Variants in KCTD16 observed in about 807,000 individuals in gnomAD.
The protein encoded by KCTD16 is BTB/POZ domain-containing protein KCTD16.
A neutral mutation model predicts 33.2 loss-of-function variants in KCTD16; 13 were observed. The ratio of observed to expected loss-of-function variants is 0.39; its 90% CI spans 0.25 to 0.62. The LOEUF (loss-of-function observed/expected upper bound fraction) is 0.62. Ranked by LOEUF, KCTD16 falls within the 20% of genes least tolerant of loss-of-function variation. The pLI, the probability that KCTD16 is intolerant of heterozygous loss-of-function variation, is 0.50. For synonymous variants in KCTD16, 197 were observed against 195.3 expected (o/e 1.01, Z -0.07); for missense variants, 441 against 525.1 (o/e 0.84, Z 1.57).
At position 144,485,600 on chromosome 5, in the gene KCTD16, G is replaced by C. The variant is rs1375013571; in HGVS notation, c.*11486G>C. ...CTTGTGTGAATATAATTACAGAATAGGTAACTATTTTTATGTGTTTCCATA... is the reference window on the plus strand; with the variant it reads ...CTTGTGTGAATATAATTACAGAATACGTAACTATTTTTATGTGTTTCCATA... On this transcript the variant is annotated 3_prime_UTR_variant, in exon 4 of 4. Coordinates refer to ENST00000512467, the MANE Select transcript of KCTD16 (RefSeq NM_020768.4). The C allele has an allele frequency of 6.6e-6, 1 of 151,828 alleles. No individual in the cohort carries two copies. Among genetic ancestry groups the C allele is most frequent in the Non-Finnish European group, 1.5e-5 (1 of 67,882 alleles). The allele number at this position is 151,828 out of a possible 1,614,324, so 9.4% of individuals were successfully genotyped here.
rs189124902 is a variant in KCTD16 at position 144,437,697 on chromosome 5, A to G, written c.833-35963A>G. Among the ~76,000 whole-genome samples the G allele has an allele frequency of 3.8e-3, 571 of 152,208 alleles. 4 individuals carry two copies. The highest frequency in any genetic ancestry group is 0.014 in the Middle Eastern group (4 of 294). ...TCAATATCCAGCCGTTGTTTTTCCT[A>G]TTTTTTTATGAATTCCAGCTCTGAA... is the stretch of plus-strand genomic sequence containing the variant. On this transcript the variant is annotated intron_variant, in intron 3 of 3. Transcript: ENST00000512467.
chr5:144,470,205 A>T (rs1003247469), intron 3 of KCTD16, among the ~76,000 whole-genome samples: 1 of 152,186 alleles, frequency 6.6e-6, no homozygotes, highest in African/African-American at 2.4e-5. Flanking sequence ...GACCTTTCAT[A>T]GATCTTTCCA....
At chr5:144,329,908 A>G (rs1752308799) in intron 3 of KCTD16, among the ~76,000 whole-genome samples, 1 of 152,176 alleles carries the variant, frequency 6.6e-6, no homozygotes, top group Non-Finnish European at 1.5e-5. Context: ...TGAGAGGTTG[A>G]AATTCTCATA....
chr5:144,180,359 T>A (rs948097707), intron 2 of KCTD16, among the ~76,000 whole-genome samples: 4 of 152,128 alleles, frequency 2.6e-5, no homozygotes, highest in Admixed American at 6.5e-5. Context: ...ACTCATTTAA[T>A]CCCCTGGTAG....
intron 2 of KCTD16, chr5:144,205,495 C>T: frequency 7.5e-6 from 3 of 398,644 alleles, no homozygotes; most frequent in Non-Finnish European, 1.3e-5. Context: ...GCCTCTGGCT[C>T]GCACCGGCTC....
In KCTD16 at chr5:144,420,583, C is replaced by T. The variant is rs1172976096; in HGVS notation, c.833-53077C>T. 2.0e-5 allele frequency among the ~76,000 whole-genome samples: 3 copies of T among 151,942 alleles called. 1 individual carries two copies. The highest frequency in any genetic ancestry group is 2.0e-4 in the Admixed American group (3 of 15,234). On this transcript the variant is annotated intron_variant, in intron 3 of 3. Coordinates refer to ENST00000512467, the MANE Select transcript of KCTD16 (RefSeq NM_020768.4). Reference sequence around the variant, plus strand: ...AGAGGCCATGGTTATAATAGAACAACTGTACTTTTTTTATAGAGGCTGAGG... The same window carrying T: ...AGAGGCCATGGTTATAATAGAACAATTGTACTTTTTTTATAGAGGCTGAGG...
At chr5:144,417,686 T>C (rs1195943387) in intron 3 of KCTD16, among the ~76,000 whole-genome samples, 1 of 152,196 alleles carries the variant, frequency 6.6e-6, no homozygotes, top group Non-Finnish European at 1.5e-5. Context: ...CCCAAGGTCA[T>C]GGAGATTTAG....
intron 2 of KCTD16, among the ~76,000 whole-genome samples, chr5:144,185,026 G>C (rs1191990981): frequency 6.6e-6 from 1 of 152,184 alleles, no homozygotes; most frequent in Non-Finnish European, 1.5e-5. Context: ...GTCAGGCACT[G>C]TTCTAAATAT....
At chr5:144,447,161 T>A (rs1483392092) in intron 3 of KCTD16, among the ~76,000 whole-genome samples, 3 of 152,136 alleles carry the variant, frequency 2.0e-5, no homozygotes, top group Non-Finnish European at 4.4e-5. Flanking sequence ...CCAACCCAAA[T>A]GCCCATCAAT....
At chr5:144,459,390 C>T (rs1754142968) in intron 3 of KCTD16, among the ~76,000 whole-genome samples, 1 of 151,910 alleles carries the variant, frequency 6.6e-6, no homozygotes, top group Non-Finnish European at 1.5e-5. Context: ...CTTGCTTTGT[C>T]ACCCAGGCTG....
intron 3 of KCTD16, among the ~76,000 whole-genome samples, chr5:144,456,433 A>G (rs755607191): frequency 5.9e-5 from 9 of 152,252 alleles, no homozygotes; most frequent in Middle Eastern, 3.4e-3. Context: ...GACTTGCTCT[A>G]TCACTTTGTT....
In KCTD16 at chr5:144,192,536, T is replaced by A. The variant is rs111357317; in HGVS notation, c.-326-13853T>A. ...CAATTAATTCATCTATTTATTTGTG[T>A]TCTAAGGGGTTACATGATTTCTTCT... On this transcript the variant is annotated intron_variant, in intron 2 of 3. Transcript: ENST00000512467. 1.4e-3 allele frequency among the ~76,000 whole-genome samples: 220 copies of A among 152,312 alleles called. 4 individuals carry two copies. Among genetic ancestry groups the A allele is most frequent in the Middle Eastern group, 6.8e-3 (2 of 294 alleles).
intron 3 of KCTD16, among the ~76,000 whole-genome samples, chr5:144,333,060 T>A (rs1752398005): frequency 6.6e-6 from 1 of 152,156 alleles, no homozygotes; most frequent in South Asian, 2.1e-4. Context: ...TCGTGGGAAT[T>A]ATGGGAGCTA....
intron 3 of KCTD16, among the ~76,000 whole-genome samples, chr5:144,314,600 G>A (rs780857111): frequency 6.6e-6 from 1 of 152,102 alleles, no homozygotes; most frequent in Non-Finnish European, 1.5e-5. Context: ...TTGGGGGTAG[G>A]CAGGGAGGAC....
At chr5:144,337,732 A>T (rs1008142381) in intron 3 of KCTD16, among the ~76,000 whole-genome samples, 1 of 152,164 alleles carries the variant, frequency 6.6e-6, no homozygotes, top group Admixed American at 6.5e-5. Context: ...CCTACTTCTC[A>T]TCATCATTCA....
intron 3 of KCTD16, among the ~76,000 whole-genome samples, chr5:144,333,779 T>C (rs893131611): frequency 6.6e-6 from 1 of 152,166 alleles, no homozygotes; most frequent in Non-Finnish European, 1.5e-5. Flanking sequence ...GCTGCTTACA[T>C]CATGCTTGCT....
chr5:144,400,239 C>G (rs574114228), intron 3 of KCTD16, among the ~76,000 whole-genome samples: 1 of 152,270 alleles, frequency 6.6e-6, no homozygotes, highest in East Asian at 1.9e-4. Flanking sequence ...GAGGAGGCTT[C>G]CCTAAGAAAT....
In KCTD16 at chr5:144,452,936, C is replaced by T. The variant is rs73792034; in HGVS notation, c.833-20724C>T. Among the ~76,000 whole-genome samples the T allele has an allele frequency of 2.7e-3, 413 of 152,178 alleles. 4 individuals carry two copies. Among genetic ancestry groups the T allele is most frequent in the African/African-American group, 9.4e-3 (389 of 41,540 alleles). ...TGAGAAACAATACGGGTACCCTCAGCGTATCTCACTAATCATACATGAGCT... is the reference window on the plus strand; with the variant it reads ...TGAGAAACAATACGGGTACCCTCAGTGTATCTCACTAATCATACATGAGCT... On this transcript the variant is annotated intron_variant, in intron 3 of 3. Transcript: ENST00000512467.
chr5:144,442,333 C>A (rs1753729258), intron 3 of KCTD16, among the ~76,000 whole-genome samples: 1 of 152,094 alleles, frequency 6.6e-6, no homozygotes. Flanking sequence ...TGCTTCCTAG[C>A]ACATGCCACA....
Sources: allele counts gnomAD v4.1 joint callset (sites outside exome capture counted in the v4.1 genomes callset), GRCh38; gene constraint gnomAD v4.1.1; transcripts MANE v1.5; gene names NCBI Gene and HGNC (gene_info 2026-07-23, HGNC 2026-07-21).